PAPSS1: variants seen among roughly 807,000 people sequenced by gnomAD.
PAPSS1 encodes 3'-phosphoadenosine 5'-phosphosulfate synthase 1.
PAPSS1 carries 50 observed loss-of-function variants against 72.0 expected under a neutral mutation model. That is an observed-to-expected ratio of 0.69 (90% confidence interval 0.55 to 0.88). PAPSS1 has a LOEUF of 0.88. Among genes scored for constraint, PAPSS1 ranks in the 40% least tolerant of loss-of-function variants. The probability of loss-of-function intolerance (pLI) is 0.00; values close to 1 mark genes in which losing one functional copy is unlikely to be tolerated. For missense variants in PAPSS1, 657 were observed against 782.2 expected, an observed-to-expected ratio of 0.84 and a Z score of 1.91; for synonymous variants, 261 against 263.6, an observed-to-expected ratio of 0.99 and a Z score of 0.09.
rs1448765725 is a variant in PAPSS1 at position 107,654,183 on chromosome 4, C to T, written c.1101+512G>A. Among the ~76,000 whole-genome samples, 4 of 152,172 alleles carry T rather than the reference C, an allele frequency of 2.6e-5. No homozygotes were observed. In the East Asian group the frequency reaches 7.7e-4, roughly 29 times the overall value. ...TTGGCTTATGTGCCAACAATGTGCC[C>T]AGCTTCTTTCTCAGTCTACCTTAAC... On this transcript the variant is annotated intron_variant, in intron 8 of 11. Transcript: ENST00000265174.
chr4:107,641,809 T>A (rs1242656401), intron 10 of PAPSS1, among the ~76,000 whole-genome samples: 1 of 152,190 alleles, frequency 6.6e-6, no homozygotes, highest in Non-Finnish European at 1.5e-5. Flanking sequence ...AATCAAACTC[T>A]AGGACTTCAT....
At chr4:107,708,101 A>C (rs1246035574) in intron 1 of PAPSS1, among the ~76,000 whole-genome samples, 1 of 152,210 alleles carries the variant, frequency 6.6e-6, no homozygotes, top group Non-Finnish European at 1.5e-5. Context: ...TCATCTCATT[A>C]ACAATAATTA....
chr4:107,710,075 C>A (rs1236978259), intron 1 of PAPSS1, among the ~76,000 whole-genome samples: 1 of 152,196 alleles, frequency 6.6e-6, no homozygotes, highest in East Asian at 1.9e-4. Flanking sequence ...TCCTTCTGCA[C>A]CCACTTCAGC....
chr4:107,624,801 T>A (rs1456410938), intron 11 of PAPSS1, among the ~76,000 whole-genome samples: 1 of 152,182 alleles, frequency 6.6e-6, no homozygotes, highest in Non-Finnish European at 1.5e-5. Context: ...ATAGTCAGAC[T>A]CTACATGTAT....
At chr4:107,631,016 AT>A (rs35372763) in intron 11 of PAPSS1, among the ~76,000 whole-genome samples, 36,547 of 152,038 alleles carry the variant, frequency 0.24, 4,409 homozygotes, top group East Asian at 0.37. Flanking sequence ...CATGCACAAA[AT>A]TATGTAAAAT....
Position 107,719,007 on chromosome 4 carries a change from C to T in PAPSS1, c.60+1113G>A, listed in dbSNP as rs1054375085. On this transcript the variant is annotated intron_variant, in intron 1 of 11. Transcript: ENST00000265174. ...TAAATGGCAAAGCTGGGATGAGAGA[C>T]CAGGCCAGGAGTCCAGCGCTCTTTC... is the stretch of plus-strand genomic sequence containing the variant. 6.0e-4 allele frequency among the ~76,000 whole-genome samples: 91 copies of T among 152,170 alleles called. 1 individual carries two copies. Among genetic ancestry groups the T allele is most frequent in the African/African-American group, 2.1e-3 (88 of 41,424 alleles).
In PAPSS1 at chr4:107,686,988, G is replaced by C. The variant is rs375198102; in HGVS notation, c.550+51C>G. 4.0e-6 allele frequency: 6 copies of C among 1,501,464 alleles called. No homozygotes were observed. In the East Asian group the frequency reaches 6.9e-5, roughly 17 times the overall value. The allele number at this position is 1,501,464 out of a possible 1,614,324, so 93.0% of individuals were successfully genotyped here. The stretch of plus-strand genomic sequence containing the variant: ...TTAGAAAATATCAATCCTAGATATG[G>C]GAACATAAAATATCTAAGCAAAGTG... On this transcript the variant is annotated intron_variant, in intron 4 of 11. Transcript: ENST00000265174.
At chr4:107,683,364 GA>G (rs11286103) in intron 4 of PAPSS1, among the ~76,000 whole-genome samples, 125,854 of 150,598 alleles carry the variant, frequency 0.84, 54,249 homozygotes, top group South Asian at 0.97. Flanking sequence ...AAATGGCTGG[GA>G]AAAAAAAAAA....
intron 9 of PAPSS1, among the ~76,000 whole-genome samples, chr4:107,652,894 T>A (rs1726886612): frequency 6.6e-6 from 1 of 152,130 alleles, no homozygotes; most frequent in Non-Finnish European, 1.5e-5. Context: ...TTTAAACAAC[T>A]TTCTCTATTG....
At chr4:107,671,275 G>A (rs1727460091) in intron 5 of PAPSS1, among the ~76,000 whole-genome samples, 1 of 145,994 alleles carries the variant, frequency 6.8e-6, no homozygotes, top group African/African-American at 2.5e-5. Flanking sequence ...TTTTTTTCAA[G>A]AAAAACTTAA....
intron 3 of PAPSS1, among the ~76,000 whole-genome samples, chr4:107,692,778 G>GTATATATATATATATATA (rs148086345): frequency 4.1e-5 from 6 of 147,014 alleles, no homozygotes; most frequent in African/African-American, 1.2e-4. Context: ...AACACGGTGT[G>GTATATATATATATATATA]TATATATATA....
At chr4:107,680,149 CAT>C (rs1343434670) in intron 5 of PAPSS1, among the ~76,000 whole-genome samples, 1 of 151,798 alleles carries the variant, frequency 6.6e-6, no homozygotes, top group African/African-American at 2.4e-5. Flanking sequence ...AAATATTTCA[CAT>C]GATAATGGCC....
At position 107,660,175 on chromosome 4, in the gene PAPSS1, T is replaced by C. The variant is rs1727139732; in HGVS notation, c.670-103A>G. On this transcript the variant is annotated intron_variant, in intron 5 of 11. Transcript: ENST00000265174. ...AATCTCTCAAAATAAAACCAAAAAG[T>C]AGCATAAAAGAAGGCTGTGAGTGCT... 3 of 617,616 alleles carry C rather than the reference T, an allele frequency of 4.9e-6. No homozygotes were observed. In the African/African-American group the frequency reaches 5.7e-5, roughly 12 times the overall value. The allele number at this position is 617,616 out of a possible 1,614,324, so 38.3% of individuals were successfully genotyped here.
At chr4:107,663,656 G>T (rs771938159) in intron 5 of PAPSS1, among the ~76,000 whole-genome samples, 1 of 152,094 alleles carries the variant, frequency 6.6e-6, no homozygotes, top group Non-Finnish European at 1.5e-5. Flanking sequence ...TCTTTCAATG[G>T]ACTTAACATA....
At chr4:107,634,236 G>A (rs1324210033) in intron 10 of PAPSS1, among the ~76,000 whole-genome samples, 1 of 151,752 alleles carries the variant, frequency 6.6e-6, no homozygotes, top group Non-Finnish European at 1.5e-5. Flanking sequence ...GGCTAGTCTT[G>A]AACTCCCGTG....
chr4:107,681,887 T>C (rs1041846604), intron 5 of PAPSS1, 128 bp downstream of exon 5: 25 of 591,416 alleles, frequency 4.2e-5, no homozygotes, highest in Non-Finnish European at 6.4e-5. Flanking sequence ...CAGAACACTG[T>C]TGGCATTTCG....
chr4:107,711,220 C>T (rs1723483299), intron 1 of PAPSS1, among the ~76,000 whole-genome samples: 1 of 152,192 alleles, frequency 6.6e-6, no homozygotes, highest in Admixed American at 6.5e-5. Context: ...TAATTCATTG[C>T]AAGGCCATTT....
intron 10 of PAPSS1, among the ~76,000 whole-genome samples, chr4:107,642,639 T>C (rs1726579566): frequency 6.6e-6 from 1 of 152,236 alleles, no homozygotes; most frequent in African/African-American, 2.4e-5. Flanking sequence ...TTATATTCTA[T>C]TTCTCAATGC....
chr4:107,629,073 C>T lies in PAPSS1; in HGVS notation c.1736+2558G>A, dbSNP rs147352705. 5.4e-3 allele frequency among the ~76,000 whole-genome samples: 816 copies of T among 152,256 alleles called. 8 individuals are homozygous for T. The highest frequency in any genetic ancestry group is 0.019 in the African/African-American group (793 of 41,542). ...GATTTCCATTTTTCACCAAAATAAA[C>T]TCACACTAACTGATTATAACATGTC... On this transcript the variant is annotated intron_variant, in intron 11 of 11. Transcript: ENST00000265174.
Sources: allele counts gnomAD v4.1 joint callset (sites outside exome capture counted in the v4.1 genomes callset), GRCh38; gene constraint gnomAD v4.1.1; transcripts MANE v1.5; gene names NCBI Gene and HGNC (gene_info 2026-07-23, HGNC 2026-07-21).